The following RRBP1 variants were observed in gnomAD, a reference collection of about 807,000 sequenced individuals.
RRBP1 encodes the protein ribosome-binding protein 1.
In RRBP1, 94 loss-of-function variants were observed where a neutral mutation model predicts 165.2. The ratio of observed to expected loss-of-function variants is 0.57; its 90% CI spans 0.48 to 0.68. The LOEUF (loss-of-function observed/expected upper bound fraction) is 0.68. Among genes scored for constraint, RRBP1 ranks in the 30% least tolerant of loss-of-function variants. The probability of loss-of-function intolerance (pLI) is 0.00; values close to 1 mark genes in which losing one functional copy is unlikely to be tolerated. For missense variants in RRBP1, 1,676 were observed against 1,763.0 expected, an observed-to-expected ratio of 0.95 and a Z score of 0.88; for synonymous variants, 680 against 714.5, an observed-to-expected ratio of 0.95 and a Z score of 0.77.
rs777927664 is a variant in RRBP1 at position 17,642,022 on chromosome 20, C to T, written c.2062-103G>A. 96 of 1,307,522 alleles carry T rather than the reference C, an allele frequency of 7.3e-5. 1 individual carries two copies. The highest frequency in any genetic ancestry group is 9.6e-5 in the Non-Finnish European group (91 of 948,596). 81.0% of individuals were successfully genotyped at this position (1,307,522 alleles called of 1,614,324 possible). A position where few individuals can be genotyped will look rare whatever the true frequency, so the allele number is the denominator to read the frequency against. On this transcript the variant is annotated intron_variant, in intron 4 of 24. Coordinates refer to ENST00000377813, the MANE Select transcript of RRBP1 (RefSeq NM_001365613.2). Reference sequence around the variant, plus strand: ...GGCCTGAGGGCTTGATGAAGTGGAGCAGGGGCTTCGAGTCAAGGGTTCCAC... The same window carrying T: ...GGCCTGAGGGCTTGATGAAGTGGAGTAGGGGCTTCGAGTCAAGGGTTCCAC...
chr20:17,655,356 G>C (rs1217395262), intron 3 of RRBP1, among the ~76,000 whole-genome samples: 1 of 152,108 alleles, frequency 6.6e-6, no homozygotes, highest in African/African-American at 2.4e-5. Flanking sequence ...CTACATTGAA[G>C]AAAAAAATCA....
intron 20 of RRBP1, among the ~76,000 whole-genome samples, 194 bp from the exon 21 acceptor site, chr20:17,617,033 C>A (rs956394066): frequency 7.2e-5 from 11 of 152,180 alleles, no homozygotes; most frequent in African/African-American, 2.2e-4. Flanking sequence ...GGCCACCAAG[C>A]CTCTGGGCTA....
intron 2 of RRBP1, among the ~76,000 whole-genome samples, chr20:17,666,370 C>A (rs938684316): frequency 4.6e-5 from 7 of 151,622 alleles, no homozygotes; most frequent in Admixed American, 4.6e-4. Flanking sequence ...TTCTTCCATA[C>A]TTCTATAAGA....
chr20:17,650,509 G>A (rs1473840645), intron 3 of RRBP1, among the ~76,000 whole-genome samples: 2 of 152,216 alleles, frequency 1.3e-5, no homozygotes, highest in Admixed American at 1.3e-4. Flanking sequence ...TAGGCAGAAA[G>A]GTCACAGGTC....
At chr20:17,616,044 G>A (rs201975847) in intron 21 of RRBP1, 35 bp from the exon 22 acceptor site, 85 of 1,579,364 alleles carry the variant, frequency 5.4e-5, no homozygotes, top group South Asian at 6.7e-5. Context: ...CCGGCAGCCC[G>A]GTGAGGAACC....
intron 2 of RRBP1, among the ~76,000 whole-genome samples, chr20:17,664,282 G>A (rs1375380360): frequency 6.6e-6 from 1 of 152,158 alleles, no homozygotes; most frequent in East Asian, 1.9e-4. Context: ...CACTGCACAC[G>A]GGATCGTTCA....
At chr20:17,674,157 T>C (rs1568791689) in intron 2 of RRBP1, among the ~76,000 whole-genome samples, 1 of 152,200 alleles carries the variant, frequency 6.6e-6, no homozygotes, top group Non-Finnish European at 1.5e-5. Context: ...GTCTTTCACC[T>C]TTCCAAGTAA....
chr20:17,627,793 C>G, intron 9 of RRBP1, 111 bp from the exon 10 acceptor site: 1 of 1,012,352 alleles, frequency 9.9e-7, no homozygotes, highest in Non-Finnish European at 1.4e-6. Flanking sequence ...AGGGCTTCCT[C>G]CTGCCTCCTC....
At chr20:17,619,045 C>A in intron 19 of RRBP1, 1 of 240,800 alleles carries the variant, frequency 4.2e-6, no homozygotes, top group Non-Finnish European at 8.2e-6. Flanking sequence ...GCATCAGCCT[C>A]CTAAGCAGCT....
chr20:17,619,308 C>T lies in RRBP1; in HGVS notation c.3675+325G>A, dbSNP rs141811761. 51 of 281,568 alleles carry T rather than the reference C, an allele frequency of 1.8e-4. 1 individual carries two copies. Among genetic ancestry groups the T allele is most frequent in the African/African-American group, 8.9e-4 (41 of 45,916 alleles). 17.4% of individuals were successfully genotyped at this position (281,568 alleles called of 1,614,324 possible). A position where few individuals can be genotyped will look rare whatever the true frequency, so the allele number is the denominator to read the frequency against. ...AAAAGTGTCAGATCTAAATCCACTC[C>T]CCACCAGATATGACATCAGCAAGCC... On this transcript the variant is annotated intron_variant, in intron 19 of 24. Transcript: ENST00000377813.
intron 7 of RRBP1, among the ~76,000 whole-genome samples, chr20:17,634,204 T>C (rs117396626): frequency 0.017 from 2,579 of 152,288 alleles, 41 homozygotes; most frequent in South Asian, 0.027. Context: ...AGGCGTGTGA[T>C]CAGGATGCCA....
At chr20:17,671,033 C>G (rs1326356400) in intron 2 of RRBP1, among the ~76,000 whole-genome samples, 1 of 152,206 alleles carries the variant, frequency 6.6e-6, no homozygotes, top group Non-Finnish European at 1.5e-5. Flanking sequence ...ATTTCTTCTT[C>G]TCTACTTTCC....
intron 11 of RRBP1, among the ~76,000 whole-genome samples, chr20:17,626,529 G>A (rs1016378531): frequency 3.9e-5 from 6 of 152,210 alleles, no homozygotes; most frequent in African/African-American, 1.4e-4. Flanking sequence ...CTTTGGTGAC[G>A]AGGGTCAGGA....
chr20:17,649,773 T>A (rs1009157969), intron 3 of RRBP1, among the ~76,000 whole-genome samples: 1 of 152,038 alleles, frequency 6.6e-6, no homozygotes, highest in African/African-American at 2.4e-5. Flanking sequence ...GGATTTTAGG[T>A]TACATTTCCT....
intron 7 of RRBP1, 70 bp from the exon 8 acceptor site, chr20:17,633,683 T>A: frequency 6.7e-7 from 1 of 1,489,834 alleles, no homozygotes; most frequent in Non-Finnish European, 9.2e-7. Context: ...AAGCCCTCCC[T>A]CCAGGACTCC....
In RRBP1 at chr20:17,660,279, C is replaced by G; in HGVS notation, c.229G>C (p.Glu77Gln). ...TCAGGTATCTTCCCATTAGGTTTCT[C>G]TTCCTTTTTCTTGGTCTTTCCTTTC... ...EKKGKTKKKE[E>Q]KPNGKIPDHD... The change falls in exon 3 of 25, where the codon GAG becomes CAG. Residue 77 changes from glutamate to glutamine, a missense_variant. Glu to Gln is a conservative substitution (Grantham distance 29). Transcript: ENST00000377813. The G allele has an allele frequency of 6.2e-7, 1 of 1,606,322 alleles. No individual in the cohort carries two copies. Among genetic ancestry groups the G allele is most frequent in the Non-Finnish European group, 8.5e-7 (1 of 1,175,674 alleles).
intron 10 of RRBP1, 22 bp from the exon 11 acceptor site, chr20:17,627,404 C>G (rs2036047628): frequency 6.2e-7 from 1 of 1,613,734 alleles, no homozygotes; most frequent in Admixed American, 1.7e-5. Flanking sequence ...GACAAAAGCT[C>G]CTTGGTCTCC....
At chr20:17,632,395 A>C (rs2036167468) in intron 8 of RRBP1, among the ~76,000 whole-genome samples, 1 of 152,156 alleles carries the variant, frequency 6.6e-6, no homozygotes, top group Admixed American at 6.5e-5. Flanking sequence ...TTTAAAACAC[A>C]ATCATGGGCA....
intron 3 of RRBP1, among the ~76,000 whole-genome samples, chr20:17,646,863 A>G (rs376554864): frequency 3.9e-4 from 59 of 151,540 alleles, no homozygotes; most frequent in African/African-American, 1.2e-3. Flanking sequence ...TCAGGCATAG[A>G]AGGAGGATCT....
Sources: allele counts gnomAD v4.1 joint callset (sites outside exome capture counted in the v4.1 genomes callset), GRCh38; gene constraint gnomAD v4.1.1; transcripts MANE v1.5; gene names NCBI Gene and HGNC (gene_info 2026-07-23, HGNC 2026-07-21).